Variants in AHI1 observed in about 807,000 individuals in gnomAD.
The protein encoded by AHI1 is Abelson helper integration site 1.
A neutral mutation model predicts 149.3 loss-of-function variants in AHI1; 123 were observed. That is an observed-to-expected ratio of 0.82 (90% confidence interval 0.71 to 0.96). AHI1 has a LOEUF of 0.96. AHI1 is among the 40% of genes least tolerant of loss of function. The probability of loss-of-function intolerance (pLI) is 0.00; values close to 1 mark genes in which losing one functional copy is unlikely to be tolerated. For missense variants in AHI1, 1,439 were observed against 1,422.7 expected, an observed-to-expected ratio of 1.01 and a Z score of -0.18; for synonymous variants, 475 against 459.8, an observed-to-expected ratio of 1.03 and a Z score of -0.42.
At chr6:135,324,551 C>CATATATATATATATATATAT (rs3071751) in intron 24 of AHI1, among the ~76,000 whole-genome samples, 1 of 144,812 alleles carries the variant, frequency 6.9e-6, no homozygotes, top group African/African-American at 2.5e-5. Context: ...GTTATATATA[C>CATATATATATATATATATAT]ATATATATAT....
intron 5 of AHI1, chr6:135,489,837 T>C: frequency 5.2e-6 from 1 of 191,262 alleles, no homozygotes; most frequent in Non-Finnish European, 1.0e-5. Context: ...TAAGAAAAAA[T>C]GGGGTAAATC....
chr6:135,476,382 T>A (rs1051291496), intron 5 of AHI1, among the ~76,000 whole-genome samples: 1 of 152,018 alleles, frequency 6.6e-6, no homozygotes, highest in Non-Finnish European at 1.5e-5. Flanking sequence ...AATAAAGCTA[T>A]GTAGACTTGT....
chr6:135,368,734 T>G (rs1203918019), intron 23 of AHI1, among the ~76,000 whole-genome samples: 1 of 151,340 alleles, frequency 6.6e-6, no homozygotes, highest in Non-Finnish European at 1.5e-5. Flanking sequence ...AATGCCACTC[T>G]CGTTCCCACT....
At chr6:135,447,192 T>A (rs1787376743) in intron 12 of AHI1, 32 bp from the exon 13 acceptor site, 2 of 1,407,900 alleles carry the variant, frequency 1.4e-6, no homozygotes, top group Non-Finnish European at 1.9e-6. Flanking sequence ...AAAATTTATA[T>A]ACCATGTTCA....
At chr6:135,388,090 T>C in intron 23 of AHI1, 1 of 1,582,470 alleles carries the variant, frequency 6.3e-7, no homozygotes, top group Non-Finnish European at 8.6e-7. Context: ...TTTGATTCTT[T>C]TTAGTACCAT....
chr6:135,304,757 C>T (rs1426550104), intron 26 of AHI1, among the ~76,000 whole-genome samples: 3 of 152,046 alleles, frequency 2.0e-5, no homozygotes, highest in South Asian at 2.1e-4. Flanking sequence ...TGAGACAGAG[C>T]GAGATTCCAT....
chr6:135,407,186 T>C (rs1191177547), intron 21 of AHI1, among the ~76,000 whole-genome samples: 2 of 152,164 alleles, frequency 1.3e-5, no homozygotes, highest in African/African-American at 4.8e-5. Flanking sequence ...CTGAATTTAT[T>C]ATGCAATTCA....
In AHI1 at chr6:135,411,376, A is replaced by C. The variant is rs748504380; in HGVS notation, c.2933T>G (p.Leu978Arg). The C allele has an allele frequency of 2.5e-5, 41 of 1,613,880 alleles. No homozygotes were observed. The highest frequency in any genetic ancestry group is 3.2e-5 in the Non-Finnish European group (38 of 1,179,760). The change falls in exon 21 of 29, where the codon CTA becomes CGA. Residue 978 changes from leucine to arginine, a missense_variant. Leu to Arg is a moderately radical substitution (Grantham distance 102). Coordinates refer to ENST00000265602, the MANE Select transcript of AHI1 (RefSeq NM_001134831.2). ...GACAGTTTCAAGCCTCTGTTTTACT[A>C]GCTGCATCTTCGTTGAAGAACTTTC... ...HTESSSTKMQ[L>R]VKQRLETVTE...
chr6:135,469,254 AAAACC>A (rs1791317651), intron 5 of AHI1, among the ~76,000 whole-genome samples: 1 of 152,182 alleles, frequency 6.6e-6, no homozygotes, highest in Admixed American at 6.5e-5. Flanking sequence ...ACTAAAGACA[AAAACC>A]ATATGATTAT....
chr6:135,358,121 G>C lies in AHI1; in HGVS notation c.3165+11C>G. ...TAACACTTTTAACAACGTAGCAACA[G>C]ACTGTCTTACCGTTGGTGCTGTATC... On this transcript the variant is annotated intron_variant, in intron 24 of 28. Coordinates refer to ENST00000265602, the MANE Select transcript of AHI1 (RefSeq NM_001134831.2). 1 of 1,609,700 alleles carries C rather than the reference G, an allele frequency of 6.2e-7. No individual in the cohort carries two copies. Among genetic ancestry groups the C allele is most frequent in the Non-Finnish European group, 8.5e-7 (1 of 1,176,920 alleles).
intron 24 of AHI1, among the ~76,000 whole-genome samples, chr6:135,335,038 C>A (rs572038478): frequency 1.3e-5 from 2 of 152,266 alleles, no homozygotes; most frequent in South Asian, 2.1e-4. Flanking sequence ...CTGCACATAT[C>A]AAGTAGTAAC....
chr6:135,398,949 T>C (rs1779643469), intron 22 of AHI1, among the ~76,000 whole-genome samples: 1 of 152,122 alleles, frequency 6.6e-6, no homozygotes, highest in Non-Finnish European at 1.5e-5. Context: ...TTTGGGAGGC[T>C]GAGGCAGGAG....
chr6:135,424,470 T>C (rs1352820826), intron 20 of AHI1, among the ~76,000 whole-genome samples: 2 of 152,054 alleles, frequency 1.3e-5, no homozygotes, highest in Non-Finnish European at 2.9e-5. Context: ...TGACTAGTAC[T>C]CTGTTATTAT....
intron 5 of AHI1, among the ~76,000 whole-genome samples, chr6:135,468,332 A>C (rs1416640156): frequency 6.6e-6 from 1 of 152,066 alleles, no homozygotes; most frequent in East Asian, 1.9e-4. Context: ...CACACACAAA[A>C]CCCAAAGCTA....
intron 24 of AHI1, among the ~76,000 whole-genome samples, chr6:135,339,274 CA>C (rs1789921072): frequency 6.6e-6 from 1 of 152,110 alleles, no homozygotes; most frequent in Non-Finnish European, 1.5e-5. Context: ...ATCCTCTTAT[CA>C]AAAAATTACG....
At chr6:135,377,042 T>C (rs1004737402) in intron 23 of AHI1, among the ~76,000 whole-genome samples, 1 of 150,358 alleles carries the variant, frequency 6.7e-6, no homozygotes, top group Non-Finnish European at 1.5e-5. Flanking sequence ...CTGAATAAAA[T>C]AAGCAAGCAA....
chr6:135,426,890 T>G (rs1000261739), intron 20 of AHI1, among the ~76,000 whole-genome samples: 1 of 151,754 alleles, frequency 6.6e-6, no homozygotes, highest in Admixed American at 6.6e-5. Context: ...GATAAAATAT[T>G]AACTCAACAG....
chr6:135,355,705 C>A (rs189955313), intron 24 of AHI1, among the ~76,000 whole-genome samples: 1 of 152,192 alleles, frequency 6.6e-6, no homozygotes, highest in Non-Finnish European at 1.5e-5. Flanking sequence ...TTGAGGCCAG[C>A]CTGACCTACA....
At chr6:135,338,506 A>G (rs939154032) in intron 24 of AHI1, among the ~76,000 whole-genome samples, 1 of 152,188 alleles carries the variant, frequency 6.6e-6, no homozygotes, top group Non-Finnish European at 1.5e-5. Context: ...GAGCTTAAGG[A>G]TAAATGAGTA....
Sources: allele counts gnomAD v4.1 joint callset (sites outside exome capture counted in the v4.1 genomes callset), GRCh38; gene constraint gnomAD v4.1.1; transcripts MANE v1.5; gene names NCBI Gene and HGNC (gene_info 2026-07-23, HGNC 2026-07-21).